FADS2: variants seen among roughly 807,000 people sequenced by gnomAD.
FADS2 encodes the protein acyl-CoA 6-desaturase.
A neutral mutation model predicts 61.2 loss-of-function variants in FADS2; 18 were observed. The observed-to-expected ratio is 0.29, with a 90% CI of 0.20 to 0.44. The LOEUF is 0.44. FADS2 is among the 20% of genes least tolerant of loss of function. FADS2 has a pLI of 1.00. For missense variants in FADS2, 322 were observed against 572.7 expected (o/e 0.56, Z 4.47); for synonymous variants, 203 against 223.9 (o/e 0.91, Z 0.83).
rs535134557 is a variant in FADS2, at chr11:61,859,911, G to A, written c.882+2381G>A. Among the ~76,000 whole-genome samples the A allele has an allele frequency of 1.1e-4, 16 of 151,904 alleles. 1 individual carries two copies. The Middle Eastern group carries it at 0.014, about 129-fold the overall frequency. On this transcript the variant is annotated intron_variant, in intron 7 of 11. Transcript: ENST00000278840. ...TGAGGCAGGAGAATTGCTTGAACCC[G>A]GGAGGCGGAGCTTGCAGTGAGCAAC...
intron 4 of FADS2, among the ~76,000 whole-genome samples, chr11:61,844,614 C>T (rs2067240411): frequency 6.6e-6 from 1 of 150,928 alleles, no homozygotes; most frequent in Non-Finnish European, 1.5e-5. Flanking sequence ...CCATCAAACT[C>T]AGCAATTCTT....
chr11:61,839,186 T>C (rs2067198473), intron 2 of FADS2, among the ~76,000 whole-genome samples: 1 of 152,170 alleles, frequency 6.6e-6, no homozygotes, highest in African/African-American at 2.4e-5. Context: ...AGCCCCCTCC[T>C]GCCTGCCTCA....
chr11:61,853,335 T>TTCCTTCCTTCCTTC (rs1565334638), intron 5 of FADS2, among the ~76,000 whole-genome samples: 1 of 74,558 alleles, frequency 1.3e-5, no homozygotes, highest in East Asian at 5.5e-4. Flanking sequence ...TTCCTTCCTT[T>TTCCTTCCTTCCTTC]CCTTCTTTCT....
intron 10 of FADS2, among the ~76,000 whole-genome samples, chr11:61,864,736 G>A (rs755506305): frequency 1.1e-4 from 16 of 151,458 alleles, no homozygotes; most frequent in East Asian, 1.9e-4. Context: ...AGGTCTTGCC[G>A]TGTCGCCCAG....
At chr11:61,827,200 C>G (rs2067092580), upstream of FADS2, among the ~76,000 whole-genome samples, 1 of 152,158 alleles carries the variant, frequency 6.6e-6, no homozygotes. The surrounding 1 kb of genome is among the most constrained non-coding windows in gnomAD (Gnocchi z 4.5). Context: ...TTGCCCCACG[C>G]CTAAAAGACC....
intron 5 of FADS2, among the ~76,000 whole-genome samples, chr11:61,852,149 G>A (rs1379474610): frequency 1.3e-5 from 2 of 152,234 alleles, no homozygotes; most frequent in African/African-American, 4.8e-5. Context: ...TCCTCTCCCA[G>A]GCCACCGTCT....
At chr11:61,818,157 A>G (rs2067003264) in intron 1 of FADS2, among the ~76,000 whole-genome samples, 1 of 152,220 alleles carries the variant, frequency 6.6e-6, no homozygotes, top group Non-Finnish European at 1.5e-5. Context: ...GGTGATACAG[A>G]ATAGACTAGG....
At chr11:61,856,814 C>G in intron 5 of FADS2, 197 bp from the exon 6 acceptor site, 1 of 596,260 alleles carries the variant, frequency 1.7e-6, no homozygotes, top group Non-Finnish European at 3.0e-6. Flanking sequence ...GCGTTGGCCG[C>G]TGCTGGCTGT....
In FADS2 at chr11:61,865,077, C is replaced by T. The variant is rs1041608510; in HGVS notation, c.1158-75C>T. ...TCTGAGGGCCCCAGCCAGCCTCTGC[C>T]CAGGTGGTGGGAGGAAGCGGGAGCA... On this transcript the variant is annotated intron_variant, in intron 10 of 11. Coordinates refer to ENST00000278840, the MANE Select transcript of FADS2 (RefSeq NM_004265.4). The surrounding 1 kb of genome is among the most constrained non-coding windows in gnomAD (Gnocchi z 4.1). The T allele has an allele frequency of 1.2e-4, 187 of 1,544,276 alleles. No homozygotes were observed. In the African/African-American group the frequency reaches 2.4e-3, roughly 20 times the overall value.
chr11:61,824,172 G>A (rs572721107), upstream of FADS2, among the ~76,000 whole-genome samples: 3 of 151,610 alleles, frequency 2.0e-5, no homozygotes, highest in Middle Eastern at 3.4e-3. Flanking sequence ...ACCTGAGGTC[G>A]GGAGTTCGAG....
At chr11:61,853,286 C>CCCTTCCTCCCTT (rs1555077185) in intron 5 of FADS2, among the ~76,000 whole-genome samples, 1 of 55,694 alleles carries the variant, frequency 1.8e-5, no homozygotes, top group African/African-American at 5.8e-5. Flanking sequence ...TTCCCTCCCT[C>CCCTTCCTCCCTT]CCTCCCTTCC....
At chr11:61,847,814 T>C in intron 4 of FADS2, 2 of 310,248 alleles carry the variant, frequency 6.4e-6, no homozygotes, top group South Asian at 6.6e-5. Flanking sequence ...GGCTTTACCT[T>C]GCACAGCTCT....
rs2067436989 is a variant in FADS2, at chr11:61,863,725, G to A, written c.1096G>A (p.Val366Met). 2 of 1,614,168 alleles carry A rather than the reference G, an allele frequency of 1.2e-6. No individual in the cohort carries two copies. The highest frequency in any genetic ancestry group is 1.7e-6 in the Non-Finnish European group (2 of 1,179,976). ...FSSQLTATCN[V>M]EQSFFNDWFS... ...CTGACAGCTGACAGCCACCTGCAACGTGGAGCAGTCCTTCTTCAACGACTG... is the reference window on the plus strand; with the variant it reads ...CTGACAGCTGACAGCCACCTGCAACATGGAGCAGTCCTTCTTCAACGACTG... Residue 366 changes from valine to methionine, a missense_variant, in exon 10 of 12, where the codon GTG becomes ATG. This residue lies in a region of FADS2 where 221 missense variants were observed against 427.9 expected (regional missense o/e 0.52). Coordinates refer to ENST00000278840, the MANE Select transcript of FADS2 (RefSeq NM_004265.4).
At chr11:61,858,128 T>C (rs138678481) in intron 7 of FADS2, among the ~76,000 whole-genome samples, 1 of 152,316 alleles carries the variant, frequency 6.6e-6, no homozygotes, top group East Asian at 1.9e-4. Context: ...GTACATCATC[T>C]CTCTGCATAT....
At position 61,848,142 on chromosome 11, in the gene FADS2, C is replaced by A. The variant is rs966185204; in HGVS notation, c.619-17C>A. ...TGGTGGCTTGCATGGCTCATCCCCA[C>A]CCCTCTCTCCCCACAGGGTGCCTCT... On this transcript the variant is annotated splice_polypyrimidine_tract_variant and intron_variant, in intron 4 of 11. Transcript: ENST00000278840. The A allele has an allele frequency of 1.1e-5, 18 of 1,613,916 alleles. No homozygotes were observed. Among genetic ancestry groups the A allele is most frequent in the Non-Finnish European group, 1.5e-5 (18 of 1,179,940 alleles).
chr11:61,857,203 G>A (rs752585455), intron 6 of FADS2, 132 bp downstream of exon 6: 8 of 850,160 alleles, frequency 9.4e-6, no homozygotes, highest in South Asian at 1.5e-5. Flanking sequence ...GGGGGCCACA[G>A]CAGCCTTGCT....
At position 61,816,540 on chromosome 11, in the gene FADS2, C is replaced by T; in HGVS notation, c.141+114C>T. On this transcript the variant is annotated intron_variant, in intron 1 of 11. Transcript: ENST00000257261. The surrounding 1 kb of genome is among the most constrained non-coding windows in gnomAD (Gnocchi z 7.0). ...GGTCCCGCCCTCTCCTGTGCCCCCGCCTGGCTGCGCTCACCGTGGCATCCT... is the reference window on the plus strand; with the variant it reads ...GGTCCCGCCCTCTCCTGTGCCCCCGTCTGGCTGCGCTCACCGTGGCATCCT... 2 of 1,598,970 alleles carry T rather than the reference C, an allele frequency of 1.3e-6. No homozygotes were observed. The highest frequency in any genetic ancestry group is 1.7e-6 in the Non-Finnish European group (2 of 1,174,064).
chr11:61,865,274 T>A lies in FADS2; in HGVS notation c.1280T>A (p.Ile427Asn). The A allele has an allele frequency of 1.2e-6, 2 of 1,613,032 alleles. No homozygotes were observed. The highest frequency in any genetic ancestry group is 1.7e-6 in the Non-Finnish European group (2 of 1,179,930). Reference sequence around the variant, plus strand: ...CTACTGAGGGCCCTGCTGGACATCATCAGGTGAGGGGTGGAGGTCCACAGG... The same window carrying A: ...CTACTGAGGGCCCTGCTGGACATCAACAGGTGAGGGGTGGAGGTCCACAGG... ...KPLLRALLDI[I>N]RSLKKSGKLW... Residue 427 changes from isoleucine to asparagine, a missense_variant, in exon 11 of 12, where the codon ATC becomes AAC. Physicochemically the swap from Ile to Asn is moderately radical, Grantham distance 149. This residue lies in a region of FADS2 where 221 missense variants were observed against 427.9 expected (regional missense o/e 0.52). Transcript: ENST00000278840. This position sits in a 1 kb window ranked among gnomAD's most constrained non-coding sequence, Gnocchi z 4.1.
At chr11:61,824,455 G>T (rs376863850), upstream of FADS2, among the ~76,000 whole-genome samples, 1 of 6,258 alleles carries the variant, frequency 1.6e-4, no homozygotes, top group East Asian at 3.4e-3. Context: ...AGGGAGGGAG[G>T]GAGGGAGAGA....
Sources: allele counts gnomAD v4.1 joint callset (sites outside exome capture counted in the v4.1 genomes callset), GRCh38; gene constraint gnomAD v4.1.1; regional missense constraint gnomAD v4.1.1; non-coding constraint Gnocchi (gnomAD v3.1); transcripts MANE v1.5; gene names NCBI Gene and HGNC (gene_info 2026-07-23, HGNC 2026-07-21).